NRG3: variants seen among roughly 807,000 people sequenced by gnomAD.
The protein encoded by NRG3 is neuregulin 3, also known as pro-neuregulin-3, membrane-bound isoform.
A neutral mutation model predicts 66.9 loss-of-function variants in NRG3; 31 were observed. That is an observed-to-expected ratio of 0.46 (90% CI 0.35 to 0.63). The LOEUF (loss-of-function observed/expected upper bound fraction) is 0.63, where lower values mean the gene tolerates loss of function less well. Ranked by LOEUF, NRG3 falls within the 20% of genes least tolerant of loss-of-function variation. The pLI is 0.00. For missense variants in NRG3, 910 were observed against 878.9 expected (o/e 1.04, Z -0.45); for synonymous variants, 393 against 359.4 (o/e 1.09, Z -1.06).
At chr10:82,949,166 A>C (rs1203983395) in intron 4 of NRG3, among the ~76,000 whole-genome samples, 2 of 152,306 alleles carry the variant, frequency 1.3e-5, no homozygotes, top group East Asian at 3.9e-4. Context: ...TAGATGTAAA[A>C]ATGGTGAATC....
intron 1 of NRG3, among the ~76,000 whole-genome samples, chr10:82,006,679 A>C (rs2061388265): frequency 6.6e-6 from 1 of 151,990 alleles, no homozygotes; most frequent in African/African-American, 2.4e-5. Flanking sequence ...TTATTTCTGC[A>C]CCATGTATTG....
At chr10:82,242,575 G>T (rs1490868364) in intron 1 of NRG3, among the ~76,000 whole-genome samples, 1 of 152,146 alleles carries the variant, frequency 6.6e-6, no homozygotes, top group Non-Finnish European at 1.5e-5. Context: ...TCTAAGGAGT[G>T]CAGAAGCTGA....
intron 1 of NRG3, among the ~76,000 whole-genome samples, chr10:81,966,862 A>C (rs892138968): frequency 2.6e-5 from 4 of 152,156 alleles, no homozygotes; most frequent in Non-Finnish European, 5.9e-5. Context: ...TGCAAGTAAT[A>C]GTTTAATAAA....
At chr10:82,602,009 G>A (rs2047669320) in intron 2 of NRG3, among the ~76,000 whole-genome samples, 1 of 150,826 alleles carries the variant, frequency 6.6e-6, no homozygotes, top group South Asian at 2.1e-4. Flanking sequence ...CTCAAATCCA[G>A]GAGTTGGAAG....
At chr10:82,244,431 G>A (rs979401313) in intron 1 of NRG3, among the ~76,000 whole-genome samples, 2 of 152,150 alleles carry the variant, frequency 1.3e-5, no homozygotes, top group Non-Finnish European at 2.9e-5. Flanking sequence ...CTAGGTTCTG[G>A]AACTATTTTT....
At chr10:82,820,932 C>A (rs1339768496) in intron 3 of NRG3, among the ~76,000 whole-genome samples, 3 of 152,108 alleles carry the variant, frequency 2.0e-5, no homozygotes, top group Non-Finnish European at 4.4e-5. Flanking sequence ...TTGTTCTTTC[C>A]TTCCAGTTCT....
chr10:82,882,404 T>G (rs1484389089), intron 4 of NRG3, among the ~76,000 whole-genome samples: 2 of 152,182 alleles, frequency 1.3e-5, no homozygotes, highest in Non-Finnish European at 2.9e-5. Context: ...GAGTAGAGTT[T>G]TCTTGACGGT....
At chr10:82,509,986 T>G (rs1374270739) in intron 2 of NRG3, among the ~76,000 whole-genome samples, 2 of 152,150 alleles carry the variant, frequency 1.3e-5, no homozygotes, top group Non-Finnish European at 2.9e-5. Flanking sequence ...TACTTCTCCC[T>G]GCACTTCCCT....
intron 1 of NRG3, among the ~76,000 whole-genome samples, chr10:82,133,982 T>C (rs897190775): frequency 2.0e-5 from 3 of 152,194 alleles, no homozygotes; most frequent in Non-Finnish European, 4.4e-5. Context: ...TGGTATCTCA[T>C]TGTGGGTTTG....
intron 1 of NRG3, among the ~76,000 whole-genome samples, chr10:82,257,139 T>C (rs952276281): frequency 6.6e-6 from 1 of 152,204 alleles, no homozygotes; most frequent in East Asian, 1.9e-4. Context: ...GTAAATTTTT[T>C]AAATTTATTT....
At chr10:82,213,973 C>A (rs2075536610) in intron 1 of NRG3, among the ~76,000 whole-genome samples, 1 of 152,144 alleles carries the variant, frequency 6.6e-6, no homozygotes, top group Non-Finnish European at 1.5e-5. Flanking sequence ...TGGGCTCTTT[C>A]TCTTTGGCTA....
intron 1 of NRG3, among the ~76,000 whole-genome samples, chr10:82,341,087 C>G (rs561101775): frequency 2.0e-5 from 3 of 152,218 alleles, no homozygotes; most frequent in Non-Finnish European, 4.4e-5. Context: ...ATCAAAGCAT[C>G]TCATGTACCC....
At chr10:81,902,667 G>T (rs940182312) in intron 1 of NRG3, among the ~76,000 whole-genome samples, 3 of 152,112 alleles carry the variant, frequency 2.0e-5, no homozygotes, top group African/African-American at 7.2e-5. Flanking sequence ...TGGTATATTT[G>T]TTATAGCATC....
At chr10:82,344,292 C>T (rs2082858521) in intron 1 of NRG3, among the ~76,000 whole-genome samples, 1 of 151,286 alleles carries the variant, frequency 6.6e-6, no homozygotes, top group Admixed American at 6.6e-5. Flanking sequence ...CAATTCCCAC[C>T]TATGAGTGAG....
At chr10:82,713,446 A>T (rs1055404796) in intron 2 of NRG3, among the ~76,000 whole-genome samples, 6 of 152,216 alleles carry the variant, frequency 3.9e-5, no homozygotes, top group Admixed American at 3.9e-4. Context: ...TGACTCTCCT[A>T]CCATTGGATA....
intron 1 of NRG3, among the ~76,000 whole-genome samples, chr10:82,130,976 C>T (rs1388013792): frequency 6.6e-6 from 1 of 152,062 alleles, no homozygotes; most frequent in African/African-American, 2.4e-5. Flanking sequence ...CAAATATTTC[C>T]TTCCATTCTG....
At chr10:82,101,609 G>A (rs1222455861) in intron 1 of NRG3, among the ~76,000 whole-genome samples, 1 of 151,694 alleles carries the variant, frequency 6.6e-6, no homozygotes, top group Non-Finnish European at 1.5e-5. Context: ...TTAGGGATAT[G>A]TTAGCTTCTA....
chr10:82,534,998 A>T (rs12258320), intron 2 of NRG3, among the ~76,000 whole-genome samples: 2,407 of 151,500 alleles, frequency 0.016, 81 homozygotes, highest in African/African-American at 0.056. Flanking sequence ...CCCTGTCACT[A>T]CTAAAAATGC....
At chr10:82,656,045 A>G (rs2051823006) in intron 2 of NRG3, among the ~76,000 whole-genome samples, 2 of 152,220 alleles carry the variant, frequency 1.3e-5, no homozygotes, top group African/African-American at 4.8e-5. Flanking sequence ...CTTGAAGGAT[A>G]GTCAGGAAAC....
Sources: allele counts gnomAD v4.1 joint callset (sites outside exome capture counted in the v4.1 genomes callset), GRCh38; gene constraint gnomAD v4.1.1; transcripts MANE v1.5; gene names NCBI Gene and HGNC (gene_info 2026-07-23, HGNC 2026-07-21).